The following DDX10 variants were observed in gnomAD, a reference collection of about 807,000 sequenced individuals.
The protein encoded by DDX10 is probable ATP-dependent RNA helicase DDX10.
Under a neutral mutation model 104.3 loss-of-function variants are expected in DDX10, and 74 were observed. That is an observed-to-expected ratio of 0.71 (90% CI 0.59 to 0.86). The LOEUF (loss-of-function observed/expected upper bound fraction) is 0.86. Ranked by LOEUF, DDX10 falls within the 40% of genes least tolerant of loss-of-function variation. The pLI is 0.00. For synonymous variants in DDX10, 351 were observed against 353.4 expected, an observed-to-expected ratio of 0.99 and a Z score of 0.08; for missense variants, 952 against 1,040.0, an observed-to-expected ratio of 0.92 and a Z score of 1.16.
intron 16 of DDX10, among the ~76,000 whole-genome samples, chr11:108,899,237 T>TC (rs1465363659): frequency 6.6e-6 from 1 of 151,664 alleles, no homozygotes; most frequent in Non-Finnish European, 1.5e-5. Flanking sequence ...TTTTTTCTCC[T>TC]CCCCCCAACC....
chr11:108,902,444 C>A (rs754263963), intron 16 of DDX10, among the ~76,000 whole-genome samples: 2 of 152,150 alleles, frequency 1.3e-5, no homozygotes, highest in Non-Finnish European at 2.9e-5. Flanking sequence ...GTCAAACGTA[C>A]TGGGATTTCT....
At chr11:108,791,435 T>C (rs923730319) in intron 13 of DDX10, among the ~76,000 whole-genome samples, 6 of 152,228 alleles carry the variant, frequency 3.9e-5, no homozygotes, top group Non-Finnish European at 8.8e-5. Flanking sequence ...TCAGAGCATC[T>C]TTTTTCTTTT....
intron 13 of DDX10, among the ~76,000 whole-genome samples, chr11:108,828,357 G>A (rs1171941793): frequency 6.6e-6 from 1 of 152,042 alleles, no homozygotes; most frequent in African/African-American, 2.4e-5. Context: ...TTAGGCCTTT[G>A]TGTCCTTATA....
intron 13 of DDX10, among the ~76,000 whole-genome samples, chr11:108,732,245 G>A (rs989857261): frequency 1.3e-5 from 2 of 152,072 alleles, no homozygotes; most frequent in Non-Finnish European, 2.9e-5. Context: ...TGACAAGAAA[G>A]GTAGCTATTA....
chr11:108,686,952 T>C (rs537991615), intron 6 of DDX10, among the ~76,000 whole-genome samples: 1 of 152,002 alleles, frequency 6.6e-6, no homozygotes, highest in Non-Finnish European at 1.5e-5. Flanking sequence ...GCCCGGCTAC[T>C]TTTTTTGTAC....
chr11:108,902,296 G>A (rs1863526976), intron 16 of DDX10, among the ~76,000 whole-genome samples: 1 of 152,114 alleles, frequency 6.6e-6, no homozygotes, highest in Admixed American at 6.6e-5. Context: ...GAGGCTTAGG[G>A]CACAAAACTT....
chr11:108,746,338 T>G lies in DDX10; in HGVS notation c.1965+22876T>G, dbSNP rs539683265. The stretch of plus-strand genomic sequence containing the variant: ...CTGGATTCTTTCACTTAGTATGTTT[T>G]TTTTTTTAAGTGTCATGTTGTTGCA... On this transcript the variant is annotated intron_variant, in intron 13 of 17. Coordinates refer to ENST00000322536, the MANE Select transcript of DDX10 (RefSeq NM_004398.4). Among the ~76,000 whole-genome samples the G allele has an allele frequency of 3.9e-5, 6 of 152,286 alleles. No individual in the cohort carries two copies. The South Asian group carries it at 1.2e-3, about 32-fold the overall frequency.
chr11:108,862,000 C>T (rs1565301874), intron 16 of DDX10, among the ~76,000 whole-genome samples: 1 of 151,882 alleles, frequency 6.6e-6, no homozygotes, highest in Non-Finnish European at 1.5e-5. Flanking sequence ...GCACTCCAGC[C>T]AAAAAATCTC....
intron 13 of DDX10, among the ~76,000 whole-genome samples, chr11:108,733,285 C>T (rs560280337): frequency 6.6e-6 from 1 of 152,202 alleles, no homozygotes; most frequent in Non-Finnish European, 1.5e-5. Flanking sequence ...CCTCTTGTCT[C>T]TTCACTTTTT....
intron 13 of DDX10, among the ~76,000 whole-genome samples, chr11:108,758,139 G>C (rs2094346707): frequency 6.6e-6 from 1 of 152,034 alleles, no homozygotes. Context: ...GATGTACAAT[G>C]TGGCAGAGAC....
chr11:108,932,701 T>C (rs1863989425), intron 17 of DDX10, among the ~76,000 whole-genome samples: 1 of 152,058 alleles, frequency 6.6e-6, no homozygotes, highest in African/African-American at 2.4e-5. Flanking sequence ...TTTCTAAAGG[T>C]CTTTCTCCTT....
At chr11:108,821,147 G>T (rs1432899798) in intron 13 of DDX10, among the ~76,000 whole-genome samples, 5 of 152,184 alleles carry the variant, frequency 3.3e-5, no homozygotes, top group African/African-American at 4.8e-5. Flanking sequence ...ACTACAAGTA[G>T]AGTGTAAGAA....
At chr11:108,779,329 C>T (rs565973393) in intron 13 of DDX10, among the ~76,000 whole-genome samples, 3 of 152,186 alleles carry the variant, frequency 2.0e-5, no homozygotes, top group African/African-American at 4.8e-5. Context: ...AAATGTGGCA[C>T]ATATACCCTA....
chr11:108,925,619 T>A (rs1863898309), intron 17 of DDX10, among the ~76,000 whole-genome samples: 1 of 152,216 alleles, frequency 6.6e-6, no homozygotes, highest in South Asian at 2.1e-4. Context: ...AAACTTTCTA[T>A]CACTTGGTTA....
At chr11:108,711,592 C>T (rs1473863817) in intron 10 of DDX10, among the ~76,000 whole-genome samples, 1 of 152,230 alleles carries the variant, frequency 6.6e-6, no homozygotes, top group Non-Finnish European at 1.5e-5. Flanking sequence ...CTCGGCCTCC[C>T]AAAGTACTGA....
At chr11:108,854,971 C>G (rs946658467) in intron 16 of DDX10, among the ~76,000 whole-genome samples, 1 of 1,398 alleles carries the variant, frequency 7.2e-4, no homozygotes, top group African/African-American at 9.0e-4. Flanking sequence ...TAAGTTCTGC[C>G]TAGTTATATT....
At chr11:108,772,613 C>T (rs2094364690) in intron 13 of DDX10, among the ~76,000 whole-genome samples, 1 of 152,324 alleles carries the variant, frequency 6.6e-6, no homozygotes, top group South Asian at 2.1e-4. Context: ...CGTCGAAAGG[C>T]CATGAAGTTT....
chr11:108,834,283 A>T (rs565787551), intron 13 of DDX10, among the ~76,000 whole-genome samples: 1 of 151,942 alleles, frequency 6.6e-6, no homozygotes, highest in Non-Finnish European at 1.5e-5. Context: ...TTTATCACAT[A>T]ACTATCCATC....
chr11:108,850,707 A>G (rs1208061578), intron 15 of DDX10, among the ~76,000 whole-genome samples: 3 of 152,154 alleles, frequency 2.0e-5, no homozygotes, highest in African/African-American at 7.2e-5. Context: ...ATTGATACGG[A>G]TACAAATACT....
Sources: gnomAD v4.1 joint callset for allele counts (sites outside exome capture counted in the v4.1 genomes callset) on GRCh38, gnomAD v4.1.1 for gene constraint, MANE v1.5 for transcripts, NCBI Gene and HGNC (gene_info 2026-07-23, HGNC 2026-07-21) for gene names.